FSCN1: variants seen among roughly 807,000 people sequenced by gnomAD.
The protein encoded by FSCN1 is fascin actin-bundling protein 1.
In FSCN1, 10 loss-of-function variants were observed where a neutral mutation model predicts 39.7. The ratio of observed to expected loss-of-function variants is 0.25; its 90% CI spans 0.16 to 0.43. The LOEUF (loss-of-function observed/expected upper bound fraction) is 0.43, where lower values mean the gene tolerates loss of function less well. FSCN1 is among the 20% of genes least tolerant of loss of function. FSCN1 has a pLI of 1.00. For synonymous variants in FSCN1, 322 were observed against 320.0 expected, an observed-to-expected ratio of 1.01 and a Z score of -0.07; for missense variants, 525 against 723.8, an observed-to-expected ratio of 0.73 and a Z score of 3.15.
rs1364278597 is a variant in FSCN1, at chr7:5,603,965, A to T, written c.1214A>T (p.Asp405Val). 3.1e-6 allele frequency: 5 copies of T among 1,613,970 alleles called. No individual in the cohort carries two copies. The highest frequency in any genetic ancestry group is 4.2e-6 in the Non-Finnish European group (5 of 1,180,020). ...TGCCGCAAGGTCACGGGCACCCTGGACGCCAACCGCTCCAGCTATGACGTC... is the reference window on the plus strand; with the variant it reads ...TGCCGCAAGGTCACGGGCACCCTGGTCGCCAACCGCTCCAGCTATGACGTC... ...IGCRKVTGTL[D>V]ANRSSYDVFQ... The change falls in exon 4 of 5, where the codon GAC (aspartate) becomes GTC (valine). Residue 405 changes from aspartate to valine, a missense_variant. Physicochemically the swap from Asp to Val is radical, Grantham distance 152. Transcript: ENST00000382361. The surrounding 1 kb of genome is among the most constrained non-coding windows in gnomAD (Gnocchi z 8.5).
chr7:5,603,753 C>A lies in FSCN1; in HGVS notation c.1112-110C>A. On this transcript the variant is annotated intron_variant, in intron 3 of 4. Transcript: ENST00000382361. The surrounding 1 kb of genome is among the most constrained non-coding windows in gnomAD (Gnocchi z 8.5). ...CCCGGACTGGCCCCGCACTGTCCTACCCTGGGGACTGCTGTGTGACCCCAG... is the reference window on the plus strand; with the variant it reads ...CCCGGACTGGCCCCGCACTGTCCTAACCTGGGGACTGCTGTGTGACCCCAG... The A allele has an allele frequency of 6.8e-7, 1 of 1,470,698 alleles. No homozygotes were observed. The highest frequency in any genetic ancestry group is 9.3e-7 in the Non-Finnish European group (1 of 1,073,414). 91.1% of individuals were successfully genotyped at this position (1,470,698 alleles called of 1,614,324 possible). A position where few individuals can be genotyped will look rare whatever the true frequency, so the allele number is the denominator to read the frequency against.
Position 5,593,486 on chromosome 7 carries a change from C to A in FSCN1, c.550C>A (p.Gln184Lys), listed in dbSNP as rs1193283543. 6.2e-7 allele frequency: 1 copy of A among 1,610,718 alleles called. No homozygotes were observed. Among genetic ancestry groups the A allele is most frequent in the Non-Finnish European group, 8.5e-7 (1 of 1,179,464 alleles). The change falls in exon 1 of 5, where the codon CAG (glutamine) becomes AAG (lysine). Residue 184 changes from glutamine (Q) to lysine (K), a missense_variant. Physicochemically the swap from Gln to Lys is moderately conservative, Grantham distance 53 (BLOSUM62 1). Around this residue, in one of 3 missense-constraint regions of FSCN1, gnomAD observed 246 missense variants for 350.6 expected, o/e 0.70. Coordinates refer to ENST00000382361, the MANE Select transcript of FSCN1 (RefSeq NM_003088.4). The part of the protein sequence containing the change: ...DSLITLAFQD[Q>K]RYSVQTADHR... ...GCTCATCACCCTCGCCTTCCAGGAC[C>A]AGCGCTACAGCGTGCAGACCGCCGA...
At chr7:5,597,803 G>T (rs774272364) in intron 1 of FSCN1, among the ~76,000 whole-genome samples, 60 of 151,872 alleles carry the variant, frequency 4.0e-4, no homozygotes, top group Non-Finnish European at 7.8e-4. Context: ...AGGCCACTGT[G>T]AGGGGAGGAC....
chr7:5,600,515 CAG>C (rs1232260351), intron 1 of FSCN1, among the ~76,000 whole-genome samples: 3 of 152,278 alleles, frequency 2.0e-5, no homozygotes, highest in South Asian at 2.1e-4. Flanking sequence ...TATTCTGAGA[CAG>C]AGTCTTGCTC....
chr7:5,604,249 A>G (rs1785888407), intron 4 of FSCN1, among the ~76,000 whole-genome samples: 1 of 149,752 alleles, frequency 6.7e-6, no homozygotes, highest in South Asian at 2.1e-4. Flanking sequence ...TACCTTGCCC[A>G]CCTGACAGAG....
intron 1 of FSCN1, among the ~76,000 whole-genome samples, chr7:5,598,351 G>A (rs1359882838): frequency 1.3e-5 from 2 of 152,238 alleles, no homozygotes; most frequent in Non-Finnish European, 2.9e-5. Flanking sequence ...GTGGCCCTGG[G>A]CCCAGGAATG....
chr7:5,604,255 CAG>C (rs1378096097), intron 4 of FSCN1, among the ~76,000 whole-genome samples: 1 of 145,788 alleles, frequency 6.9e-6, no homozygotes, highest in Non-Finnish European at 1.5e-5. Flanking sequence ...GCCCACCTGA[CAG>C]AGAGGTGTGT....
In FSCN1 at chr7:5,603,210, TA is replaced by T. The variant is rs759594483; in HGVS notation, c.833-46del. On this transcript the variant is annotated intron_variant, in intron 1 of 4. Coordinates refer to ENST00000382361, the MANE Select transcript of FSCN1 (RefSeq NM_003088.4). This position sits in a 1 kb window ranked among gnomAD's most constrained non-coding sequence, Gnocchi z 8.5. ...GCTCAGGGCTATGGTCTGCCAGAAC[TA>T]GGGGGCGTGGGGCCCCAGTACCAGC... is the stretch of plus-strand genomic sequence containing the variant. The T allele has an allele frequency of 7.5e-6, 12 of 1,602,694 alleles. No individual in the cohort carries two copies. Among genetic ancestry groups the T allele is most frequent in the African/African-American group, 4.0e-5 (3 of 74,874 alleles).
intron 1 of FSCN1, chr7:5,594,133 A>C (rs1584297412): frequency 2.1e-5 from 4 of 192,868 alleles, no homozygotes; most frequent in East Asian, 1.1e-4. Context: ...GGAGCCCCTC[A>C]CCCATTTCCT....
Position 5,603,255 on chromosome 7 carries a change from A to G in FSCN1, c.833-2A>G. On this transcript the variant is annotated splice_acceptor_variant, in intron 1 of 4. Coordinates refer to ENST00000382361, the MANE Select transcript of FSCN1 (RefSeq NM_003088.4). LOFTEE classifies it high-confidence loss of function. This position sits in a 1 kb window ranked among gnomAD's most constrained non-coding sequence, Gnocchi z 8.5. ...TACCAGCCCAAGGCCTCCTCTCTGC[A>G]GGTATGGACCTGTCTGCCAATCAGG... is the stretch of plus-strand genomic sequence containing the variant. The G allele has an allele frequency of 6.2e-7, 1 of 1,611,734 alleles. No individual in the cohort carries two copies. The highest frequency in any genetic ancestry group is 8.5e-7 in the Non-Finnish European group (1 of 1,179,874).
Position 5,603,759 on chromosome 7 carries a change from G to GCT in FSCN1, c.1112-104_1112-103insCT, listed in dbSNP as rs1785877606. 2.0e-6 allele frequency: 3 copies of GCT among 1,488,222 alleles called. No individual in the cohort carries two copies. The highest frequency in any genetic ancestry group is 4.5e-5 in the East Asian group (2 of 44,020). 92.2% of individuals were successfully genotyped at this position (1,488,222 alleles called of 1,614,324 possible). A position where few individuals can be genotyped will look rare whatever the true frequency, so the allele number is the denominator to read the frequency against. ...CTGGCCCCGCACTGTCCTACCCTGG[G>GCT]GACTGCTGTGTGACCCCAGCTCCTG... On this transcript the variant is annotated intron_variant, in intron 3 of 4. Coordinates refer to ENST00000382361, the MANE Select transcript of FSCN1 (RefSeq NM_003088.4). This position sits in a 1 kb window ranked among gnomAD's most constrained non-coding sequence, Gnocchi z 8.5.
rs745984752 is a variant in FSCN1, at chr7:5,593,584, C to G, written c.648C>G (p.Phe216Leu). 2 of 1,567,388 alleles carry G rather than the reference C, an allele frequency of 1.3e-6. No homozygotes were observed. The highest frequency in any genetic ancestry group is 2.7e-5 in the African/African-American group (2 of 73,568). Residue 216 changes from phenylalanine (F) to leucine (L), a missense_variant, in exon 1 of 5, where the codon TTC becomes TTG. By Grantham distance (22) the Phe-to-Leu change is conservative. This residue lies in a region of FSCN1 where 246 missense variants were observed against 350.6 expected (regional missense o/e 0.70). Transcript: ENST00000382361. ...PEPATGYTLE[F>L]RSGKVAFRDC... ...CGGCCACTGGCTACACGCTGGAGTT[C>G]CGCTCCGGCAAGGTGGCCTTCCGCG... is the stretch of plus-strand genomic sequence containing the variant.
At position 5,593,175 on chromosome 7, in the gene FSCN1, G is replaced by C; in HGVS notation, c.239G>C (p.Cys80Ser). The change falls in exon 1 of 5, where the codon TGC becomes TCC. Residue 80 changes from cysteine (C) to serine (S), a missense_variant. Physicochemically the swap from Cys to Ser is moderately radical, Grantham distance 112. Around this residue, in one of 3 missense-constraint regions of FSCN1, gnomAD observed 246 missense variants for 350.6 expected, o/e 0.70. Coordinates refer to ENST00000382361, the MANE Select transcript of FSCN1 (RefSeq NM_003088.4). ...LAADKDGNVT[C>S]EREVPGPDCR... is the part of the protein sequence containing the mutation. ...GCGGACAAGGACGGCAACGTGACCT[G>C]CGAGCGCGAGGTGCCCGGTCCCGAC... The C allele has an allele frequency of 5.0e-6, 8 of 1,602,642 alleles. No homozygotes were observed. The highest frequency in any genetic ancestry group is 5.1e-6 in the Non-Finnish European group (6 of 1,175,816).
At chr7:5,594,531 G>A (rs1785695722) in intron 1 of FSCN1, 1 of 152,364 alleles carries the variant, frequency 6.6e-6, no homozygotes, top group African/African-American at 2.4e-5. Flanking sequence ...GATGCGGCGG[G>A]GCGGGGGAGG....
rs1485169452 is a variant in FSCN1 at position 5,603,861 on chromosome 7, A to T, written c.1112-2A>T. On this transcript the variant is annotated splice_acceptor_variant, in intron 3 of 4. Transcript: ENST00000382361. LOFTEE classifies it high-confidence loss of function. This position sits in a 1 kb window ranked among gnomAD's most constrained non-coding sequence, Gnocchi z 8.5. The stretch of plus-strand genomic sequence containing the variant: ...TCACTGACTCCCCTCTTTCTGGGAC[A>T]GGGGACTCAGAGCTCTTCCTCATGA... 6.2e-7 allele frequency: 1 copy of T among 1,612,372 alleles called. No homozygotes were observed. The highest frequency in any genetic ancestry group is 1.7e-5 in the Admixed American group (1 of 59,998).
intron 1 of FSCN1, among the ~76,000 whole-genome samples, chr7:5,600,566 A>G (rs1486018155): frequency 6.7e-6 from 1 of 150,016 alleles, no homozygotes; most frequent in Non-Finnish European, 1.5e-5. Context: ...ATCTCAGCTC[A>G]CTGCAGCCTC....
At position 5,605,414 on chromosome 7, in the gene FSCN1, C is replaced by T. The variant is rs1785915931; in HGVS notation, c.1422C>T (p.His474=). The T allele has an allele frequency of 7.4e-6, 12 of 1,612,328 alleles. No individual in the cohort carries two copies. Among genetic ancestry groups the T allele is most frequent in the Non-Finnish European group, 1.0e-5 (12 of 1,179,330 alleles). ...GCGGGCGCTACCTGAAGGGCGACCACGCAGGCGTCCTGAAGGCCTCGGCGG... is the reference window on the plus strand; with the variant it reads ...GCGGGCGCTACCTGAAGGGCGACCATGCAGGCGTCCTGAAGGCCTCGGCGG... ...KVGGRYLKGD[H]AGVLKASAET... The change falls in exon 5 of 5, where the codon CAC becomes CAT. Residue 474 remains histidine, a synonymous_variant. Coordinates refer to ENST00000382361, the MANE Select transcript of FSCN1 (RefSeq NM_003088.4). This position sits in a 1 kb window ranked among gnomAD's most constrained non-coding sequence, Gnocchi z 6.9.
intron 1 of FSCN1, among the ~76,000 whole-genome samples, chr7:5,601,197 CTTTTT>C (rs534109521): frequency 3.2e-4 from 37 of 115,552 alleles, no homozygotes; most frequent in African/African-American, 1.1e-3. Context: ...TTCTTTCTTC[CTTTTT>C]TTTTTTTTTT....
chr7:5,597,156 C>T (rs887361192), intron 1 of FSCN1, among the ~76,000 whole-genome samples: 1 of 151,916 alleles, frequency 6.6e-6, no homozygotes, highest in Non-Finnish European at 1.5e-5. Flanking sequence ...ATGGCTTCAG[C>T]CCAGGAGTTC....
Sources: allele counts gnomAD v4.1 joint callset (sites outside exome capture counted in the v4.1 genomes callset), GRCh38; gene constraint gnomAD v4.1.1; regional missense constraint gnomAD v4.1.1; non-coding constraint Gnocchi (gnomAD v3.1); transcripts MANE v1.5; gene names NCBI Gene and HGNC (gene_info 2026-07-23, HGNC 2026-07-21).